Variants in MID1 observed in about 807,000 individuals in gnomAD.
MID1 encodes the protein E3 ubiquitin-protein ligase Midline-1.
A neutral mutation model predicts 40.4 loss-of-function variants in MID1; 7 were observed. The ratio of observed to expected loss-of-function variants is 0.17; its 90% CI spans 0.10 to 0.33. The LOEUF (loss-of-function observed/expected upper bound fraction) is 0.33, where lower values mean the gene tolerates loss of function less well. MID1 is among the 10% of genes least tolerant of loss of function. MID1 has a pLI of 1.00. For synonymous variants in MID1, 229 were observed against 221.2 expected (o/e 1.04, Z -0.31); for missense variants, 367 against 558.5 (o/e 0.66, Z 3.46).
intron 1 of MID1, among the ~76,000 whole-genome samples, chrX:10,650,748 C>G (rs767265784): frequency 8.4e-4 from 94 of 111,741 alleles, no homozygotes; most frequent in Non-Finnish European, 1.6e-3. Flanking sequence ...GTGATTGTCC[C>G]CCTGCCCACG....
intron 1 of MID1, among the ~76,000 whole-genome samples, chrX:10,593,288 A>G (rs1935345745): frequency 8.9e-6 from 1 of 112,240 alleles, no homozygotes. Flanking sequence ...AGCACAAACT[A>G]AAGACTATGG....
chrX:10,780,121 A>G (rs1018580596), intron 1 of MID1, among the ~76,000 whole-genome samples: 1 of 110,081 alleles, frequency 9.1e-6, no homozygotes, highest in Admixed American at 9.7e-5. Context: ...GCAGGCCACC[A>G]CGCCCAGCTA....
At chrX:10,762,483 T>G (rs1021225488) in intron 1 of MID1, among the ~76,000 whole-genome samples, 14 of 104,166 alleles carry the variant, frequency 1.3e-4, no homozygotes, top group South Asian at 4.2e-4. Flanking sequence ...TTGTTGTGTG[T>G]TTTTTTTTTT....
chrX:10,481,463 A>G (rs1225635032), intron 5 of MID1, among the ~76,000 whole-genome samples: 1 of 111,900 alleles, frequency 8.9e-6, no homozygotes, highest in African/African-American at 3.2e-5. Context: ...TTTTGGAGAA[A>G]GAGTCTCGCT....
At chrX:10,500,418 T>G (rs1449141940) in intron 3 of MID1, among the ~76,000 whole-genome samples, 1 of 112,282 alleles carries the variant, frequency 8.9e-6, no homozygotes, top group Non-Finnish European at 1.9e-5. Flanking sequence ...AGCTTTCCTT[T>G]TGAAACCAGG....
intron 2 of MID1, among the ~76,000 whole-genome samples, chrX:10,561,019 T>G (rs901638177): frequency 6.6e-5 from 7 of 105,396 alleles, no homozygotes; most frequent in Non-Finnish European, 1.1e-4. Context: ...CCAAAACAGA[T>G]ATATAGACCA....
At chrX:10,707,063 C>A (rs1326626119) in intron 1 of MID1, among the ~76,000 whole-genome samples, 1 of 111,896 alleles carries the variant, frequency 8.9e-6, no homozygotes, top group Non-Finnish European at 1.9e-5. Flanking sequence ...AGGTTTATCA[C>A]AGTGTTTTCA....
chrX:10,788,227 T>C (rs2043901408), intron 1 of MID1, among the ~76,000 whole-genome samples: 1 of 111,722 alleles, frequency 9.0e-6, no homozygotes, highest in South Asian at 3.7e-4. Flanking sequence ...ATGTATAAAA[T>C]AGTAATATTT....
At chrX:10,714,805 G>A (rs1304070386) in intron 1 of MID1, among the ~76,000 whole-genome samples, 1 of 111,313 alleles carries the variant, frequency 9.0e-6, no homozygotes, top group African/African-American at 3.3e-5. Flanking sequence ...TAACATAAGG[G>A]AACAATATCA....
intron 1 of MID1, among the ~76,000 whole-genome samples, chrX:10,818,585 C>CTAAG (rs1046510246): frequency 8.9e-6 from 1 of 112,213 alleles, no homozygotes; most frequent in African/African-American, 3.2e-5. Context: ...GGAAGCAGTA[C>CTAAG]TAAGCAACAA....
intron 1 of MID1, among the ~76,000 whole-genome samples, chrX:10,704,716 G>GTGTATATA (rs1555916204): frequency 2.6e-5 from 2 of 78,095 alleles, no homozygotes; most frequent in Non-Finnish European, 4.7e-5. Flanking sequence ...GTGTGTGTGT[G>GTGTATATA]TATATATATA....
At chrX:10,813,196 T>C (rs1295736142) in intron 1 of MID1, among the ~76,000 whole-genome samples, 1 of 109,692 alleles carries the variant, frequency 9.1e-6, no homozygotes, top group African/African-American at 3.3e-5. Context: ...AGTGCAAAAA[T>C]GGAGCCTGAG....
intron 1 of MID1, among the ~76,000 whole-genome samples, chrX:10,731,966 C>CAAAAAAAAA (rs754605735): frequency 5.6e-4 from 15 of 26,650 alleles, no homozygotes; most frequent in African/African-American, 1.4e-3. Context: ...GAATCTATCA[C>CAAAAAAAAA]AAAAAAAAAA....
intron 1 of MID1, among the ~76,000 whole-genome samples, chrX:10,658,428 TAAAAAAAAAAAAAAAAAAAAAAA>T (rs35116185): frequency 1.8e-3 from 10 of 5,580 alleles, no homozygotes; most frequent in Admixed American, 8.7e-3. Flanking sequence ...CCTTCAACTG[TAAAAAAAAAAAAAAAAAAAAAAA>T]AAAAAAAAAA....
At chrX:10,810,484 G>A (rs150730386) in intron 1 of MID1, among the ~76,000 whole-genome samples, 96 of 112,065 alleles carry the variant, frequency 8.6e-4, no homozygotes, top group Non-Finnish European at 1.7e-3. Flanking sequence ...GAACACTGGT[G>A]TACAAGTGTA....
At chrX:10,617,311 T>G (rs960539268) in intron 1 of MID1, among the ~76,000 whole-genome samples, 7 of 112,064 alleles carry the variant, frequency 6.2e-5, no homozygotes, top group Non-Finnish European at 1.3e-4. Flanking sequence ...AGATCGTGTT[T>G]GTAAAGGACT....
Position 10,791,527 on chromosome X carries a change from C to T in MID1, c.-187+42027G>A, listed in dbSNP as rs144703954. On this transcript the variant is annotated intron_variant, in intron 1 of 10. Transcript: ENST00000380785. ...AGCCAAATAGGTTGCTTTGAGGTAACGTCTCAGCCCAGATAAAAGGGGGCA... is the reference window on the plus strand; with the variant it reads ...AGCCAAATAGGTTGCTTTGAGGTAATGTCTCAGCCCAGATAAAAGGGGGCA... 8.8e-3 allele frequency among the ~76,000 whole-genome samples: 984 copies of T among 112,018 alleles called. 7 individuals carry two copies. Among genetic ancestry groups the T allele is most frequent in the Non-Finnish European group, 0.013 (678 of 53,234 alleles).
chrX:10,496,954 T>C (rs905993536), intron 3 of MID1, among the ~76,000 whole-genome samples: 1 of 112,533 alleles, frequency 8.9e-6, no homozygotes, highest in African/African-American at 3.2e-5. Flanking sequence ...AGTATTTGTT[T>C]AATGAACAAA....
chrX:10,797,392 C>G (rs1010231015), intron 1 of MID1, among the ~76,000 whole-genome samples: 2 of 111,657 alleles, frequency 1.8e-5, no homozygotes, highest in African/African-American at 6.5e-5. Flanking sequence ...ATATCACCTC[C>G]GTTTGCATAA....
Sources: gnomAD v4.1 joint callset for allele counts (sites outside exome capture counted in the v4.1 genomes callset) on GRCh38, gnomAD v4.1.1 for gene constraint, MANE v1.5 for transcripts, NCBI Gene and HGNC (gene_info 2026-07-23, HGNC 2026-07-21) for gene names.